Variants in KCNIP2 observed in about 807,000 individuals in gnomAD.
KCNIP2 encodes potassium voltage-gated channel interacting protein 2.
In KCNIP2, 19 loss-of-function variants were observed where a neutral mutation model predicts 39.0. That is an observed-to-expected ratio of 0.49 (90% CI 0.34 to 0.71). The LOEUF is 0.71. Ranked by LOEUF, KCNIP2 falls within the 30% of genes least tolerant of loss-of-function variation. KCNIP2 has a pLI of 0.01. For missense variants in KCNIP2, 261 were observed against 346.0 expected (o/e 0.75, Z 1.95); for synonymous variants, 111 against 131.2 (o/e 0.85, Z 1.05).
At position 101,827,390 on chromosome 10, in the gene KCNIP2, A is replaced by T; in HGVS notation, c.776T>A (p.Ile259Asn). The change falls in exon 10 of 10, where the codon ATC becomes AAC. Residue 259 changes from isoleucine (I) to asparagine (N), a missense_variant. Transcript: ENST00000356640. The part of the protein sequence containing the change: ...FIESCQKDEN[I>N]MRSMQLFDNV... ...GTCAAAGAGCTGCATGGACCTCATG[A>T]TGTTCTCATCCTGTGGCCATGATGT... is the stretch of plus-strand genomic sequence containing the variant. 6.2e-7 allele frequency: 1 copy of T among 1,606,020 alleles called. No individual in the cohort carries two copies. Among genetic ancestry groups the T allele is most frequent in the Non-Finnish European group, 8.5e-7 (1 of 1,173,700 alleles).
At position 101,829,878 on chromosome 10, in the gene KCNIP2, G is replaced by A. The variant is rs1370897165; in HGVS notation, c.189C>T (p.Ser63=). The change falls in exon 3 of 10, where the codon TCC becomes TCT. Residue 63 remains serine, a synonymous_variant. Transcript: ENST00000356640. The part of the protein sequence containing the change: ...SVSETLAAPA[S]LRPHRPRLLD... ...GCAGGCGGGGTCTGTGGGGGCGGAG[G>A]GAGGCTGGGGCGGCTAATGCTGAAG... The A allele has an allele frequency of 6.6e-7, 1 of 1,509,638 alleles. No individual in the cohort carries two copies. The highest frequency in any genetic ancestry group is 8.8e-7 in the Non-Finnish European group (1 of 1,132,948). The allele number at this position is 1,509,638 out of a possible 1,614,324, so 93.5% of individuals were successfully genotyped here.
At position 101,828,144 on chromosome 10, in the gene KCNIP2, C is replaced by T. The variant is rs1431632989; in HGVS notation, c.597+7G>A. On this transcript the variant is annotated splice_region_variant and intron_variant, in intron 7 of 9. Coordinates refer to ENST00000356640, the MANE Select transcript of KCNIP2 (RefSeq NM_173191.3). This position sits in a 1 kb window ranked among gnomAD's most constrained non-coding sequence, Gnocchi z 6.6. ...CACAGACCCCCAGCCCTTCAGTTGC[C>T]CTGCACCTCCTTGGTGATGCAGCCG... is the stretch of plus-strand genomic sequence containing the variant. The T allele has an allele frequency of 1.2e-6, 2 of 1,611,216 alleles. No homozygotes were observed. Among genetic ancestry groups the T allele is most frequent in the Non-Finnish European group, 1.7e-6 (2 of 1,177,502 alleles).
intron 1 of KCNIP2, among the ~76,000 whole-genome samples, chr10:101,835,984 C>T (rs1469294443): frequency 6.6e-6 from 1 of 152,264 alleles, no homozygotes; most frequent in African/African-American, 2.4e-5. Flanking sequence ...ACTACACTGG[C>T]TCCCTTCTTA....
At chr10:101,830,495 C>A in intron 2 of KCNIP2, 1 of 1,247,772 alleles carries the variant, frequency 8.0e-7, no homozygotes, top group Non-Finnish European at 1.0e-6. Flanking sequence ...CAGGCTCAGG[C>A]CTCAGCCTGG....
chr10:101,839,914 G>T, intron 1 of KCNIP2: 2 of 1,438,352 alleles, frequency 1.4e-6, no homozygotes, highest in Non-Finnish European at 1.8e-6. Flanking sequence ...CCTCACCCGG[G>T]TAGGCCCGCG....
intron 2 of KCNIP2, among the ~76,000 whole-genome samples, chr10:101,830,623 G>C (rs7085034): frequency 6.6e-6 from 1 of 151,566 alleles, no homozygotes; most frequent in African/African-American, 2.4e-5. Context: ...GCACACAGTA[G>C]CCACGCCCCC....
chr10:101,829,394 C>T, intron 3 of KCNIP2, 195 bp from the exon 4 acceptor site: 1 of 677,316 alleles, frequency 1.5e-6, no homozygotes, highest in South Asian at 2.3e-5. Flanking sequence ...GGTCTATCAG[C>T]GGGCCAAGGC....
At chr10:101,834,255 C>A in intron 1 of KCNIP2, 2 of 399,354 alleles carry the variant, frequency 5.0e-6, no homozygotes, top group East Asian at 3.6e-5. Context: ...CATGCCAGGA[C>A]ACCTGGATTA....
chr10:101,834,015 C>T (rs762978538), intron 1 of KCNIP2, among the ~76,000 whole-genome samples: 52 of 151,916 alleles, frequency 3.4e-4, no homozygotes, highest in Non-Finnish European at 6.9e-4. Flanking sequence ...CACACTGCAC[C>T]CCTCATCACC....
Position 101,828,473 on chromosome 10 carries a change from G to T in KCNIP2, c.419-14C>A. 2 of 1,613,798 alleles carry T rather than the reference G, an allele frequency of 1.2e-6. No homozygotes were observed. Among genetic ancestry groups the T allele is most frequent in the Non-Finnish European group, 1.7e-6 (2 of 1,179,884 alleles). On this transcript the variant is annotated splice_polypyrimidine_tract_variant and intron_variant, in intron 5 of 9. Transcript: ENST00000356640. The surrounding 1 kb of genome is among the most constrained non-coding windows in gnomAD (Gnocchi z 6.6). ...AGGTGCTGGAGTCTGCAGGGTGAGT[G>T]TGGAGAAGTTGGCTTCCACACAGGA...
rs754094947 is a variant in KCNIP2 at position 101,828,116 on chromosome 10, C to T, written c.597+35G>A. The T allele has an allele frequency of 2.4e-5, 38 of 1,593,792 alleles. No homozygotes were observed. The Admixed American group carries it at 5.7e-4, about 24-fold the overall frequency. ...ACCCTCTGCACGCCACCCCCATCACCGCCACAGACCCCCAGCCCTTCAGTT... is the reference window on the plus strand; with the variant it reads ...ACCCTCTGCACGCCACCCCCATCACTGCCACAGACCCCCAGCCCTTCAGTT... On this transcript the variant is annotated intron_variant, in intron 7 of 9. Coordinates refer to ENST00000356640, the MANE Select transcript of KCNIP2 (RefSeq NM_173191.3). The surrounding 1 kb of genome is among the most constrained non-coding windows in gnomAD (Gnocchi z 6.6).
At chr10:101,832,634 G>A (rs1316808801) in intron 1 of KCNIP2, among the ~76,000 whole-genome samples, 2 of 152,060 alleles carry the variant, frequency 1.3e-5, no homozygotes, top group Admixed American at 6.6e-5. Flanking sequence ...GGCCAGGCAG[G>A]GGGATCGATG....
rs1228322133 is a variant in KCNIP2, at chr10:101,828,024, C to T, written c.598-31G>A. 4 of 1,590,018 alleles carry T rather than the reference C, an allele frequency of 2.5e-6. No homozygotes were observed. Among genetic ancestry groups the T allele is most frequent in the Non-Finnish European group, 3.5e-6 (4 of 1,158,090 alleles). ...AGGCCAAGAGAGAAGAGGATCCTTC[C>T]TCAGAGCCTCCAGCCTCCCTTGATC... On this transcript the variant is annotated intron_variant, in intron 7 of 9. Coordinates refer to ENST00000356640, the MANE Select transcript of KCNIP2 (RefSeq NM_173191.3). This position sits in a 1 kb window ranked among gnomAD's most constrained non-coding sequence, Gnocchi z 6.6.
At chr10:101,839,942 C>A (rs2066276668) in intron 1 of KCNIP2, 2 of 1,170,080 alleles carry the variant, frequency 1.7e-6, no homozygotes, top group Admixed American at 5.8e-5. Flanking sequence ...CGCGGGAGGG[C>A]CGGCCCGGCA....
chr10:101,842,552 C>A (rs1281677704), intron 1 of KCNIP2, among the ~76,000 whole-genome samples: 1 of 152,216 alleles, frequency 6.6e-6, no homozygotes, highest in Non-Finnish European at 1.5e-5. Flanking sequence ...AATCTCAGTA[C>A]ATGATTTGGT....
At chr10:101,842,707 TTGG>T (rs931578595) in intron 1 of KCNIP2, among the ~76,000 whole-genome samples, 1 of 151,936 alleles carries the variant, frequency 6.6e-6, no homozygotes, top group Admixed American at 6.6e-5. Context: ...TGTGGAAAAA[TTGG>T]TGAAGGAGTG....
chr10:101,830,844 C>T (rs1419507840), intron 2 of KCNIP2, among the ~76,000 whole-genome samples: 1 of 150,966 alleles, frequency 6.6e-6, no homozygotes, highest in Non-Finnish European at 1.5e-5. Context: ...CCCCCACACA[C>T]ACACGCCGGC....
chr10:101,831,413 G>A (rs1166090525), intron 1 of KCNIP2, among the ~76,000 whole-genome samples: 1 of 152,186 alleles, frequency 6.6e-6, no homozygotes, highest in Non-Finnish European at 1.5e-5. Flanking sequence ...CAAGGATGAG[G>A]TGGCAGTGGC....
At chr10:101,836,274 C>CTTTTTT (rs976487755) in intron 1 of KCNIP2, among the ~76,000 whole-genome samples, 3 of 124,660 alleles carry the variant, frequency 2.4e-5, no homozygotes, top group Non-Finnish European at 5.1e-5. Context: ...TTTTTTTTCT[C>CTTTTTT]TTTTTTTTTT....
Sources: allele counts gnomAD v4.1 joint callset (sites outside exome capture counted in the v4.1 genomes callset), GRCh38; gene constraint gnomAD v4.1.1; non-coding constraint Gnocchi (gnomAD v3.1); transcripts MANE v1.5; gene names NCBI Gene and HGNC (gene_info 2026-07-23, HGNC 2026-07-21).